The following RYR3 variants were observed in gnomAD, a reference collection of about 807,000 sequenced individuals.
RYR3 encodes the protein ryanodine receptor 3, also known as brain ryanodine receptor-calcium release channel.
A neutral mutation model predicts 584.3 loss-of-function variants in RYR3; 207 were observed. The observed-to-expected ratio is 0.35, with a 90% CI of 0.32 to 0.40. The LOEUF is 0.40. RYR3 is among the 10% of genes least tolerant of loss of function. RYR3 has a pLI of 1.00. For synonymous variants in RYR3, 2,416 were observed against 2,248.5 expected (o/e 1.07, Z -2.11); for missense variants, 5,616 against 6,089.2 (o/e 0.92, Z 2.59).
intron 8 of RYR3, among the ~76,000 whole-genome samples, chr15:33,547,693 A>G (rs1224360942): frequency 6.6e-6 from 1 of 152,228 alleles, no homozygotes; most frequent in Admixed American, 6.5e-5. Flanking sequence ...GATGGAAATG[A>G]GTTCACACTA....
intron 38 of RYR3, among the ~76,000 whole-genome samples, chr15:33,691,335 T>C (rs1279900217): frequency 6.6e-6 from 1 of 152,184 alleles, no homozygotes; most frequent in Non-Finnish European, 1.5e-5. Flanking sequence ...TATAAAATAG[T>C]TTAAAAATCA....
chr15:33,450,099 A>AAAAAAG (rs2046997069), intron 1 of RYR3, among the ~76,000 whole-genome samples: 1 of 149,244 alleles, frequency 6.7e-6, no homozygotes, highest in East Asian at 1.9e-4. Flanking sequence ...AAAAAAAAAA[A>AAAAAAG]AAAAAAAAAA....
chr15:33,372,717 G>C (rs757340008), intron 1 of RYR3, among the ~76,000 whole-genome samples: 2 of 151,892 alleles, frequency 1.3e-5, no homozygotes, highest in African/African-American at 4.8e-5. Context: ...TGTTGCCCAG[G>C]CTGGTCTCGA....
chr15:33,634,613 C>T lies in RYR3; in HGVS notation c.3055C>T (p.Leu1019=). The part of the protein sequence containing the change: ...QDLKNKRNPR[L]VPYALLDERT... ...TTTGAAGAACAAAAGAAATCCCCGT[C>T]TGGTGCCATATGCATTACTGGATGA... Residue 1019 remains leucine, a synonymous_variant, in exon 25 of 104, where the codon CTG becomes TTG. Coordinates refer to ENST00000634891, the MANE Select transcript of RYR3 (RefSeq NM_001036.6). 1.2e-6 allele frequency: 2 copies of T among 1,613,964 alleles called. No homozygotes were observed. Among genetic ancestry groups the T allele is most frequent in the Non-Finnish European group, 8.5e-7 (1 of 1,179,868 alleles).
At chr15:33,555,648 C>T (rs1292937299) in intron 10 of RYR3, among the ~76,000 whole-genome samples, 2 of 152,142 alleles carry the variant, frequency 1.3e-5, no homozygotes, top group Non-Finnish European at 2.9e-5. Context: ...TGAATGATAG[C>T]TGTGAAAATT....
intron 66 of RYR3, 67 bp downstream of exon 66, chr15:33,786,049 T>G: frequency 3.1e-6 from 4 of 1,292,154 alleles, no homozygotes; most frequent in Non-Finnish European, 4.2e-6. Context: ...TTTTCATCTC[T>G]ATTATTAATT....
At chr15:33,436,050 C>T (rs1004861566) in intron 1 of RYR3, among the ~76,000 whole-genome samples, 5 of 152,166 alleles carry the variant, frequency 3.3e-5, no homozygotes, top group African/African-American at 1.2e-4. Flanking sequence ...GGTGCATTTA[C>T]AATCCTCTAG....
Position 33,813,451 on chromosome 15 carries a change from T to C in RYR3, c.10390-16T>C, listed in dbSNP as rs1478240404. The C allele has an allele frequency of 1.2e-6, 2 of 1,604,064 alleles. No individual in the cohort carries two copies. Among genetic ancestry groups the C allele is most frequent in the Non-Finnish European group, 1.7e-6 (2 of 1,171,398 alleles). ...GATCAGCCTAATGTGCACCAACCGA[T>C]GTGATCTCTTCTCAGGTGGAACAGC... On this transcript the variant is annotated splice_polypyrimidine_tract_variant and intron_variant, in intron 73 of 103. Coordinates refer to ENST00000634891, the MANE Select transcript of RYR3 (RefSeq NM_001036.6).
At chr15:33,669,907 A>T (rs978913311) in intron 37 of RYR3, among the ~76,000 whole-genome samples, 6 of 93,020 alleles carry the variant, frequency 6.5e-5, no homozygotes, top group Non-Finnish European at 1.1e-4. Context: ...GTGTGTGTTT[A>T]GTAACTTCTG....
At chr15:33,510,758 T>C (rs576804704) in intron 3 of RYR3, among the ~76,000 whole-genome samples, 3 of 152,158 alleles carry the variant, frequency 2.0e-5, no homozygotes, top group African/African-American at 7.2e-5. Context: ...AAAGTTTCAA[T>C]GTGTTTTTTT....
chr15:33,363,950 A>G (rs1975117519), intron 1 of RYR3, among the ~76,000 whole-genome samples: 1 of 152,248 alleles, frequency 6.6e-6, no homozygotes, highest in African/African-American at 2.4e-5. Flanking sequence ...CTACTTGGAT[A>G]TATGAATCTA....
chr15:33,548,289 C>A, intron 9 of RYR3, 85 bp downstream of exon 9: 2 of 795,584 alleles, frequency 2.5e-6, no homozygotes, highest in Non-Finnish European at 4.1e-6. Flanking sequence ...ATTCATTCCA[C>A]ATCATCTGGC....
At chr15:33,720,194 G>A (rs189206604) in intron 43 of RYR3, among the ~76,000 whole-genome samples, 1 of 152,206 alleles carries the variant, frequency 6.6e-6, no homozygotes, top group African/African-American at 2.4e-5. Flanking sequence ...TTTGCCCACA[G>A]TGCAAAAGCT....
At chr15:33,530,014 GT>G (rs2054724267) in intron 3 of RYR3, among the ~76,000 whole-genome samples, 1 of 152,256 alleles carries the variant, frequency 6.6e-6, no homozygotes, top group Middle Eastern at 3.4e-3. Context: ...TACCTAGATG[GT>G]CTCTCAACTG....
In RYR3 at chr15:33,838,383, T is replaced by G; in HGVS notation, c.12403T>G (p.Ser4135Ala). 6.2e-7 allele frequency: 1 copy of G among 1,613,882 alleles called. No homozygotes were observed. Among genetic ancestry groups the G allele is most frequent in the Non-Finnish European group, 8.5e-7 (1 of 1,179,872 alleles). ...TGCGGGTGAAGAGGAAGAAGACGGG[T>G]CTCTTGAGCCGGCCTCTGCATTTGC... ...EIAGEEEEDG[S>A]LEPASAFAMA... The change falls in exon 89 of 104, where the codon TCT becomes GCT. Residue 4135 changes from serine (S) to alanine (A), a missense_variant. Physicochemically the swap from Ser to Ala is moderately conservative, Grantham distance 99. Transcript: ENST00000634891.
Position 33,788,336 on chromosome 15 carries a change from G to A in RYR3, c.9708G>A (p.Leu3236=), listed in dbSNP as rs1041677379. The A allele has an allele frequency of 4.3e-6, 7 of 1,613,854 alleles. No homozygotes were observed. The Admixed American group carries it at 6.7e-5, about 15-fold the overall frequency. ...AVKTVQEEEQ[L]KADGKGDTQE... is the part of the protein sequence containing the mutation. ...AGACGGTGCAGGAGGAGGAGCAGTT[G>A]AAAGCCGATGGCAAAGGGGACACCC... The change falls in exon 67 of 104, where the codon TTG becomes TTA. Residue 3236 remains leucine, a synonymous_variant. Transcript: ENST00000634891.
intron 93 of RYR3, among the ~76,000 whole-genome samples, chr15:33,845,795 AG>A (rs1158543751): frequency 1.3e-5 from 2 of 152,260 alleles, no homozygotes; most frequent in Non-Finnish European, 2.9e-5. Context: ...TAACCACTCA[AG>A]ATCTCAGAAG....
chr15:33,455,603 T>G (rs768424080), intron 1 of RYR3, among the ~76,000 whole-genome samples: 1 of 152,146 alleles, frequency 6.6e-6, no homozygotes, highest in African/African-American at 2.4e-5. Context: ...AAGATGTCCC[T>G]CATATAGGAC....
At chr15:33,581,468 A>G in intron 13 of RYR3, 40 bp from the exon 14 acceptor site, 1 of 1,604,712 alleles carries the variant, frequency 6.2e-7, no homozygotes. Context: ...GTGCTTTCTT[A>G]ATCAGCAATG....
Sources: gnomAD v4.1 joint callset for allele counts (sites outside exome capture counted in the v4.1 genomes callset) on GRCh38, gnomAD v4.1.1 for gene constraint, MANE v1.5 for transcripts, NCBI Gene and HGNC (gene_info 2026-07-23, HGNC 2026-07-21) for gene names.